The following STK32B variants were observed in gnomAD, a reference collection of about 807,000 sequenced individuals.
The protein encoded by STK32B is serine/threonine kinase 32B.
A neutral mutation model predicts 52.6 loss-of-function variants in STK32B; 43 were observed. The observed-to-expected ratio is 0.82, with a 90% CI of 0.64 to 1.05. The LOEUF is 1.05. STK32B is among the 50% of genes least tolerant of loss of function. The pLI, the probability that STK32B is intolerant of heterozygous loss-of-function variation, is 0.00. For missense variants in STK32B, 621 were observed against 534.6 expected (o/e 1.16, Z -1.59); for synonymous variants, 238 against 204.3 (o/e 1.17, Z -1.41).
chr4:5,430,245 CA>C (rs1713459163), intron 6 of STK32B, among the ~76,000 whole-genome samples: 1 of 152,184 alleles, frequency 6.6e-6, no homozygotes, highest in Non-Finnish European at 1.5e-5. Context: ...TATTTTCCCT[CA>C]CAATATTTAC....
chr4:5,030,867 G>T, the STK32B span, among the ~76,000 whole-genome samples: 1 of 152,060 alleles, frequency 6.6e-6, no homozygotes, highest in Admixed American at 6.5e-5. Flanking sequence ...GAAAAAGAAT[G>T]TGTGTATGTA....
intron 5 of STK32B, among the ~76,000 whole-genome samples, chr4:5,407,721 C>CAAA (rs1031563376): frequency 6.6e-5 from 10 of 152,002 alleles, no homozygotes; most frequent in African/African-American, 2.2e-4. Context: ...CTCACTAGTA[C>CAAA]AAAAACAGCA....
intron 1 of STK32B, among the ~76,000 whole-genome samples, chr4:5,138,818 A>G (rs1467220728): frequency 6.6e-6 from 1 of 152,208 alleles, no homozygotes; most frequent in African/African-American, 2.4e-5. Context: ...GGGTAGGGCA[A>G]GGAGGAGAGC....
chr4:5,191,312 G>T (rs1417690192), intron 3 of STK32B, among the ~76,000 whole-genome samples: 5 of 151,364 alleles, frequency 3.3e-5, no homozygotes, highest in Non-Finnish European at 4.4e-5. Flanking sequence ...GTGCAGTGGC[G>T]CCATCTCGGC....
At chr4:5,302,388 T>C (rs1729624241) in intron 3 of STK32B, among the ~76,000 whole-genome samples, 1 of 152,072 alleles carries the variant, frequency 6.6e-6, no homozygotes, top group African/African-American at 2.4e-5. Flanking sequence ...TTTAGAAATC[T>C]GTCTACCCTA....
intron 1 of STK32B, among the ~76,000 whole-genome samples, chr4:5,078,405 C>T (rs1432342152): frequency 6.6e-6 from 1 of 152,116 alleles, no homozygotes; most frequent in Non-Finnish European, 1.5e-5. Context: ...AAGACTGAAA[C>T]AAAACAAACT....
intron 11 of STK32B, among the ~76,000 whole-genome samples, chr4:5,490,118 T>C (rs1490666154): frequency 6.6e-6 from 1 of 151,942 alleles, no homozygotes. Context: ...GGCATTTTTT[T>C]TTTTTTTCTA....
At chr4:5,111,873 G>A (rs999387306) in intron 1 of STK32B, among the ~76,000 whole-genome samples, 4 of 152,144 alleles carry the variant, frequency 2.6e-5, no homozygotes, top group African/African-American at 9.7e-5. Flanking sequence ...TTAAGATGTG[G>A]TCCCAGGAAA....
At chr4:5,496,647 T>C (rs1418535757) in intron 11 of STK32B, among the ~76,000 whole-genome samples, 1 of 152,132 alleles carries the variant, frequency 6.6e-6, no homozygotes, top group Admixed American at 6.5e-5. Context: ...TCTGCGTCGC[T>C]CACACTGGGA....
At chr4:5,364,096 C>T (rs550300426) in intron 4 of STK32B, among the ~76,000 whole-genome samples, 1 of 151,134 alleles carries the variant, frequency 6.6e-6, no homozygotes, top group Admixed American at 6.6e-5. Flanking sequence ...ACTGACCCCC[C>T]CCACTGTCCA....
At chr4:5,091,820 A>G (rs1205557200) in intron 1 of STK32B, among the ~76,000 whole-genome samples, 1 of 152,264 alleles carries the variant, frequency 6.6e-6, no homozygotes, top group Non-Finnish European at 1.5e-5. Flanking sequence ...CAACTGATGA[A>G]TGGATAAACA....
intron 9 of STK32B, among the ~76,000 whole-genome samples, chr4:5,466,375 T>C (rs1236118108): frequency 6.6e-6 from 1 of 152,104 alleles, no homozygotes; most frequent in Non-Finnish European, 1.5e-5. Flanking sequence ...ACAATGTGCA[T>C]AGGATAAAAT....
At chr4:5,494,781 A>G (rs1720071040) in intron 11 of STK32B, among the ~76,000 whole-genome samples, 1 of 152,090 alleles carries the variant, frequency 6.6e-6, no homozygotes, top group Non-Finnish European at 1.5e-5. Flanking sequence ...ATGGTGACAA[A>G]ATCTCTCAGC....
chr4:5,316,843 T>TC (rs1730891107), intron 3 of STK32B, among the ~76,000 whole-genome samples: 3 of 2,508 alleles, frequency 1.2e-3, no homozygotes, highest in Non-Finnish European at 1.9e-3. Flanking sequence ...ATATATTATA[T>TC]ATAATATATT....
intron 9 of STK32B, 148 bp from the exon 10 acceptor site, chr4:5,466,555 G>C: frequency 8.8e-7 from 1 of 1,130,280 alleles, no homozygotes; most frequent in East Asian, 2.8e-5. Flanking sequence ...TTTATCATCA[G>C]AAAACAGAAA....
At chr4:5,356,383 G>C (rs759512295) in intron 4 of STK32B, among the ~76,000 whole-genome samples, 6 of 152,114 alleles carry the variant, frequency 3.9e-5, no homozygotes, top group Non-Finnish European at 8.8e-5. Context: ...CTTCAAATAC[G>C]CTATGTCCAA....
At chr4:5,397,783 C>G (rs1737013875) in intron 4 of STK32B, among the ~76,000 whole-genome samples, 1 of 152,230 alleles carries the variant, frequency 6.6e-6, no homozygotes, top group African/African-American at 2.4e-5. Context: ...CCATCTCTGA[C>G]CATGACAACT....
chr4:5,144,967 G>A (rs1350501068), intron 2 of STK32B, among the ~76,000 whole-genome samples: 7 of 152,176 alleles, frequency 4.6e-5, no homozygotes, highest in Admixed American at 6.5e-5. Flanking sequence ...GTCAACTATA[G>A]TCCACTCTGA....
rs372531300 is a variant in STK32B at position 5,102,625 on chromosome 4, G to A, written c.53-37280G>A. Reference sequence around the variant, plus strand: ...TGGCTCACTGCAACCTCCGCCTCCCGAGTTCAAGCCATTCTCCTGCCTCAG... The same window carrying A: ...TGGCTCACTGCAACCTCCGCCTCCCAAGTTCAAGCCATTCTCCTGCCTCAG... On this transcript the variant is annotated intron_variant, in intron 1 of 11. Transcript: ENST00000282908. Among the ~76,000 whole-genome samples the A allele has an allele frequency of 2.4e-4, 37 of 151,338 alleles. No individual in the cohort carries two copies. The East Asian group carries it at 2.5e-3, about 10-fold the overall frequency.
Sources: gnomAD v4.1 joint callset for allele counts (sites outside exome capture counted in the v4.1 genomes callset) on GRCh38, gnomAD v4.1.1 for gene constraint, MANE v1.5 for transcripts, NCBI Gene and HGNC (gene_info 2026-07-23, HGNC 2026-07-21) for gene names.